The following GALM variants were observed in gnomAD, a reference collection of about 807,000 sequenced individuals.
GALM encodes the protein aldose 1-epimerase.
A neutral mutation model predicts 37.4 loss-of-function variants in GALM; 43 were observed. The observed-to-expected ratio is 1.15, with a 90% confidence interval of 0.90 to 1.48. GALM has a LOEUF of 1.48. GALM is among the 40% of genes most tolerant of loss of function. The probability of loss-of-function intolerance (pLI) is 0.00; values close to 1 mark genes in which losing one functional copy is unlikely to be tolerated. For missense variants in GALM, 456 were observed against 419.1 expected, an observed-to-expected ratio of 1.09 and a Z score of -0.77; for synonymous variants, 199 against 170.6, an observed-to-expected ratio of 1.17 and a Z score of -1.30.
intron 3 of GALM, among the ~76,000 whole-genome samples, chr2:38,687,204 G>A (rs1665559828): frequency 6.6e-6 from 1 of 152,216 alleles, no homozygotes; most frequent in Non-Finnish European, 1.5e-5. Context: ...TGCGAGGATG[G>A]CAGGAGAGAG....
chr2:38,680,323 C>CA (rs962295175), intron 2 of GALM, among the ~76,000 whole-genome samples: 11 of 151,160 alleles, frequency 7.3e-5, no homozygotes, highest in East Asian at 1.9e-4. Context: ...CACCTGACCA[C>CA]AAAAAAAAAC....
intron 4 of GALM, among the ~76,000 whole-genome samples, chr2:38,703,468 G>A (rs181903414): frequency 3.3e-5 from 5 of 151,818 alleles, no homozygotes; most frequent in African/African-American, 1.2e-4. Context: ...CAAGATATAG[G>A]TCTCCGTTCT....
At position 38,681,300 on chromosome 2, in the gene GALM, G is replaced by A; in HGVS notation, c.366G>A (p.Val122=). Residue 122 remains valine (V), a synonymous_variant, in exon 3 of 7, where the codon GTG becomes GTA. Transcript: ENST00000272252. ...TCCAGGTGCTCTGGACCCCTCGGGT[G>A]CTGTCAAATGGCGTCCAGTTCTCGC... The part of the protein sequence containing the change: ...GFDKVLWTPR[V]LSNGVQFSRI... 2 of 1,613,518 alleles carry A rather than the reference G, an allele frequency of 1.2e-6. No homozygotes were observed. The highest frequency in any genetic ancestry group is 1.7e-6 in the Non-Finnish European group (2 of 1,180,010).
At chr2:38,674,308 G>C (rs1167367462) in intron 1 of GALM, among the ~76,000 whole-genome samples, 1 of 151,112 alleles carries the variant, frequency 6.6e-6, no homozygotes, top group Non-Finnish European at 1.5e-5. Flanking sequence ...TCCTGCCTCA[G>C]CCTCCCAAGT....
At chr2:38,729,477 C>T in intron 4 of GALM, 79 bp from the exon 5 acceptor site, 1 of 1,282,216 alleles carries the variant, frequency 7.8e-7, no homozygotes, top group South Asian at 1.3e-5. Flanking sequence ...AGAGTAGAAC[C>T]AGTGAGCCTT....
intron 4 of GALM, among the ~76,000 whole-genome samples, chr2:38,700,846 T>C (rs1469436986): frequency 1.3e-5 from 2 of 152,224 alleles, no homozygotes; most frequent in Non-Finnish European, 2.9e-5. Context: ...TGGTTTTCTG[T>C]AGTGGTAAAA....
At chr2:38,728,116 A>G (rs7603821) in intron 4 of GALM, among the ~76,000 whole-genome samples, 81,444 of 152,026 alleles carry the variant, frequency 0.54, 22,377 homozygotes, top group East Asian at 0.8. Context: ...TTTTTAGGCC[A>G]GGAGTGGTGG....
At chr2:38,726,216 ATTTTTTTTTTTTTAT>A (rs757232843) in intron 4 of GALM, among the ~76,000 whole-genome samples, 31 of 128,824 alleles carry the variant, frequency 2.4e-4, no homozygotes, top group African/African-American at 3.0e-4. Flanking sequence ...AAGTGCCTTT[ATTTTTTTTTTTTTAT>A]TTTTTTTTTT....
chr2:38,723,774 G>C (rs1441588318), intron 4 of GALM, among the ~76,000 whole-genome samples: 1 of 149,328 alleles, frequency 6.7e-6, no homozygotes, highest in Non-Finnish European at 1.5e-5. Context: ...CTGGGTGAGA[G>C]AGCAAGACAC....
chr2:38,713,319 C>T (rs185822396), intron 4 of GALM, among the ~76,000 whole-genome samples: 22 of 152,306 alleles, frequency 1.4e-4, no homozygotes, highest in Non-Finnish European at 2.6e-4. Context: ...CATACTAGAG[C>T]AGTCAGTGGC....
At chr2:38,728,860 C>G (rs920978550) in intron 4 of GALM, among the ~76,000 whole-genome samples, 7 of 151,840 alleles carry the variant, frequency 4.6e-5, no homozygotes, top group Admixed American at 2.6e-4. Flanking sequence ...CTGGCTGTTA[C>G]TACTCCTGGG....
intron 3 of GALM, 29 bp downstream of exon 3, chr2:38,681,515 T>G (rs1188614841): frequency 5.7e-6 from 9 of 1,572,532 alleles, no homozygotes; most frequent in Non-Finnish European, 7.9e-6. Flanking sequence ...TCTTTCCTGC[T>G]TCGTGCTTTG....
intron 4 of GALM, among the ~76,000 whole-genome samples, chr2:38,692,951 T>C (rs1266010275): frequency 1.3e-5 from 2 of 152,148 alleles, no homozygotes; most frequent in Non-Finnish European, 2.9e-5. Flanking sequence ...GGCATAATTT[T>C]AGTGGCAGAG....
At chr2:38,729,197 A>G (rs1360497558) in intron 4 of GALM, among the ~76,000 whole-genome samples, 2 of 148,486 alleles carry the variant, frequency 1.3e-5, no homozygotes, top group East Asian at 3.9e-4. Context: ...CCCTCTCCAT[A>G]TTTGTTTTTT....
At chr2:38,675,534 TTTTTTTTTTTGTGTG>T (rs1302933136) in intron 1 of GALM, among the ~76,000 whole-genome samples, 6 of 95,192 alleles carry the variant, frequency 6.3e-5, no homozygotes, top group African/African-American at 3.2e-4. Context: ...TTGTTTTTTT[TTTTTTTTTTTGTGTG>T]TGTGTGTGTG....
intron 1 of GALM, among the ~76,000 whole-genome samples, chr2:38,670,341 A>G (rs1380237472): frequency 3.3e-5 from 5 of 152,194 alleles, no homozygotes; most frequent in Non-Finnish European, 5.9e-5. Flanking sequence ...ATTAACTGCC[A>G]TGAGAGGCAT....
rs371077274 is a variant in GALM at position 38,734,686 on chromosome 2, T to G, written c.*1121T>G. 5 of 44,024 alleles carry G rather than the reference T, an allele frequency of 1.1e-4. No homozygotes were observed. Among genetic ancestry groups the G allele is most frequent in the African/African-American group, 5.2e-4 (5 of 9,600 alleles). The allele number at this position is 44,024 out of a possible 1,614,324, so 2.7% of individuals were successfully genotyped here. On this transcript the variant is annotated 3_prime_UTR_variant, in exon 7 of 7. Transcript: ENST00000272252. ...ATCAGTGATGGGTTTTGGTTGGTGA[T>G]TTTGAAAAAAAAAAAAAAAAGTATG...
intron 1 of GALM, among the ~76,000 whole-genome samples, chr2:38,671,802 G>A (rs905948173): frequency 6.6e-6 from 1 of 151,930 alleles, no homozygotes; most frequent in Non-Finnish European, 1.5e-5. Context: ...GACCAGCCTG[G>A]GCAACACAGG....
intron 4 of GALM, among the ~76,000 whole-genome samples, chr2:38,719,081 C>A (rs1456810339): frequency 1.3e-5 from 2 of 151,852 alleles, no homozygotes; most frequent in Non-Finnish European, 2.9e-5. Context: ...TGTGTCTTGC[C>A]TGTGCTACAG....
Sources: allele counts gnomAD v4.1 joint callset (sites outside exome capture counted in the v4.1 genomes callset), GRCh38; gene constraint gnomAD v4.1.1; transcripts MANE v1.5; gene names NCBI Gene and HGNC (gene_info 2026-07-23, HGNC 2026-07-21).